The following EYS variants were observed in gnomAD, a reference collection of about 807,000 sequenced individuals.
EYS encodes protein eyes shut homolog.
In EYS, 250 loss-of-function variants were observed where a neutral mutation model predicts 282.1. That is an observed-to-expected ratio of 0.89 (90% CI 0.80 to 0.98). The LOEUF (loss-of-function observed/expected upper bound fraction) is 0.98, where lower values mean the gene tolerates loss of function less well. EYS is among the 50% of genes least tolerant of loss of function. The pLI is 0.00. For synonymous variants in EYS, 1,355 were observed against 1,282.9 expected, an observed-to-expected ratio of 1.06 and a Z score of -1.20; for missense variants, 4,016 against 3,709.0, an observed-to-expected ratio of 1.08 and a Z score of -2.15.
At chr6:63,838,447 C>T (rs575161946) in intron 36 of EYS, among the ~76,000 whole-genome samples, 3 of 152,202 alleles carry the variant, frequency 2.0e-5, no homozygotes, top group Admixed American at 1.3e-4. Flanking sequence ...TCTGGGCTTC[C>T]CTAAGGGCTT....
intron 36 of EYS, chr6:63,821,728 G>T (rs1771330401): frequency 6.6e-6 from 1 of 152,244 alleles, no homozygotes; most frequent in Non-Finnish European, 1.5e-5. Context: ...AAGAGACAAA[G>T]ATCACTCAGC....
intron 2 of EYS, among the ~76,000 whole-genome samples, chr6:65,536,103 T>G (rs1203275363): frequency 1.3e-5 from 2 of 152,038 alleles, no homozygotes; most frequent in Non-Finnish European, 2.9e-5. Context: ...AATGATACAT[T>G]CAAGTAAATA....
intron 26 of EYS, among the ~76,000 whole-genome samples, chr6:64,528,684 C>G (rs986131170): frequency 6.6e-6 from 1 of 151,964 alleles, no homozygotes; most frequent in Non-Finnish European, 1.5e-5. Context: ...CCAATCTCAG[C>G]CACCTTAATC....
At chr6:65,215,347 G>A (rs1166272442) in intron 12 of EYS, among the ~76,000 whole-genome samples, 3 of 151,998 alleles carry the variant, frequency 2.0e-5, no homozygotes, top group East Asian at 1.9e-4. Flanking sequence ...TTCAGGCTTC[G>A]GTGGAAGAAG....
chr6:65,666,780 G>A (rs929102654), intron 1 of EYS, among the ~76,000 whole-genome samples: 77 of 151,040 alleles, frequency 5.1e-4, no homozygotes, highest in Non-Finnish European at 1.1e-3. Flanking sequence ...ACATCTTCTA[G>A]AATCATAGAA....
intron 31 of EYS, among the ~76,000 whole-genome samples, chr6:64,083,132 C>T (rs1291421029): frequency 1.3e-5 from 2 of 152,074 alleles, no homozygotes; most frequent in Non-Finnish European, 2.9e-5. Flanking sequence ...TTGTCTCAAA[C>T]TCCTGAGCTC....
At chr6:64,345,477 C>G (rs187433851) in intron 29 of EYS, among the ~76,000 whole-genome samples, 41 of 152,114 alleles carry the variant, frequency 2.7e-4, no homozygotes, top group African/African-American at 9.6e-4. Flanking sequence ...ATAAATGGTG[C>G]TGGGAAAACT....
At chr6:65,201,788 T>G (rs1765907881) in intron 12 of EYS, among the ~76,000 whole-genome samples, 1 of 151,992 alleles carries the variant, frequency 6.6e-6, no homozygotes, top group Non-Finnish European at 1.5e-5. Flanking sequence ...TCATGAACAT[T>G]GCTAAGCCAC....
intron 13 of EYS, among the ~76,000 whole-genome samples, chr6:65,052,209 G>T (rs563209926): frequency 3.2e-4 from 48 of 151,496 alleles, no homozygotes; most frequent in South Asian, 1.9e-3. Flanking sequence ...TTTAGTTCTG[G>T]GGGAAAGATG....
At chr6:64,795,552 C>A (rs1334523086) in intron 22 of EYS, among the ~76,000 whole-genome samples, 1 of 152,190 alleles carries the variant, frequency 6.6e-6, no homozygotes, top group Non-Finnish European at 1.5e-5. Flanking sequence ...GGACCAAAGT[C>A]TTGAACTTCT....
At chr6:64,253,656 A>G (rs1355287967) in intron 30 of EYS, among the ~76,000 whole-genome samples, 1 of 152,068 alleles carries the variant, frequency 6.6e-6, no homozygotes, top group African/African-American at 2.4e-5. Context: ...ACATGCCATC[A>G]TCTATGGGAG....
At chr6:64,121,358 T>A (rs1773583244) in intron 31 of EYS, among the ~76,000 whole-genome samples, 1 of 152,232 alleles carries the variant, frequency 6.6e-6, no homozygotes, top group African/African-American at 2.4e-5. Context: ...AGGATTCTGC[T>A]GACCACAGTG....
intron 12 of EYS, among the ~76,000 whole-genome samples, chr6:65,247,266 G>T (rs1408033055): frequency 6.6e-6 from 1 of 151,944 alleles, no homozygotes; most frequent in African/African-American, 2.4e-5. Flanking sequence ...CTCAAGGATT[G>T]TTTATGTGTC....
intron 36 of EYS, among the ~76,000 whole-genome samples, chr6:63,829,552 C>T (rs935901964): frequency 2.0e-5 from 3 of 152,200 alleles, no homozygotes; most frequent in African/African-American, 7.2e-5. Flanking sequence ...AGTAGGTAAA[C>T]AAAGCAGCTG....
intron 5 of EYS, among the ~76,000 whole-genome samples, chr6:65,443,736 A>G (rs965776482): frequency 6.6e-6 from 1 of 150,862 alleles, no homozygotes; most frequent in African/African-American, 2.4e-5. Context: ...ATACGTGCAT[A>G]TACACATATA....
chr6:65,370,962 T>C (rs944002081), intron 8 of EYS, among the ~76,000 whole-genome samples: 4 of 151,856 alleles, frequency 2.6e-5, no homozygotes, highest in Admixed American at 6.7e-5. Context: ...TGAAGAACTA[T>C]GTTGTAAACT....
At chr6:65,667,207 AT>A (rs955679036) in intron 1 of EYS, among the ~76,000 whole-genome samples, 5 of 151,804 alleles carry the variant, frequency 3.3e-5, no homozygotes, top group African/African-American at 1.2e-4. Flanking sequence ...AGCCAGAGCA[AT>A]TTTTGTAAAA....
At chr6:65,656,063 G>T (rs1449696823) in intron 1 of EYS, among the ~76,000 whole-genome samples, 1 of 151,710 alleles carries the variant, frequency 6.6e-6, no homozygotes, top group Non-Finnish European at 1.5e-5. Flanking sequence ...TGTTACCATT[G>T]TAATTGTTTT....
At chr6:65,608,804 C>T (rs1312847319) in intron 2 of EYS, among the ~76,000 whole-genome samples, 2 of 151,946 alleles carry the variant, frequency 1.3e-5, no homozygotes, top group East Asian at 3.9e-4. Context: ...AACTAAGATA[C>T]AAACACACAT....
Sources: allele counts gnomAD v4.1 joint callset (sites outside exome capture counted in the v4.1 genomes callset), GRCh38; gene constraint gnomAD v4.1.1; transcripts MANE v1.5; gene names NCBI Gene and HGNC (gene_info 2026-07-23, HGNC 2026-07-21).